LMO3: variants seen among roughly 807,000 people sequenced by gnomAD.
LMO3 encodes the protein LIM domain only protein 3.
In LMO3, 2 loss-of-function variants were observed where a neutral mutation model predicts 15.8. The observed-to-expected ratio is 0.13, with a 90% CI of 0.05 to 0.40. The LOEUF (loss-of-function observed/expected upper bound fraction) is 0.40, where lower values mean the gene tolerates loss of function less well. Among genes scored for constraint, LMO3 ranks in the 10% least tolerant of loss-of-function variants. The pLI is 0.99. For missense variants in LMO3, 86 were observed against 182.2 expected, an observed-to-expected ratio of 0.47 and a Z score of 3.04; for synonymous variants, 62 against 63.8, an observed-to-expected ratio of 0.97 and a Z score of 0.13.
intron 2 of LMO3, among the ~76,000 whole-genome samples, chr12:16,579,498 A>G (rs1943094626): frequency 1.3e-5 from 2 of 152,250 alleles, no homozygotes; most frequent in African/African-American, 2.4e-5. Context: ...ACGCAGATGT[A>G]TAAGTGAATA....
chr12:16,582,769 C>T lies in LMO3; in HGVS notation c.206+17886G>A, dbSNP rs140958931. On this transcript the variant is annotated intron_variant, in intron 2 of 3. Transcript: ENST00000537304. The surrounding 1 kb of genome is among the most constrained non-coding windows in gnomAD (Gnocchi z 4.1). Reference sequence around the variant, plus strand: ...GCCCAGAAAAGAATCAGAACTAGGCCGGGCACGGTGGCCCATGCCTGTAAT... The same window carrying T: ...GCCCAGAAAAGAATCAGAACTAGGCTGGGCACGGTGGCCCATGCCTGTAAT... Among the ~76,000 whole-genome samples, 9 of 152,244 alleles carry T rather than the reference C, an allele frequency of 5.9e-5. No homozygotes were observed. Among genetic ancestry groups the T allele is most frequent in the South Asian group, 2.1e-4 (1 of 4,826 alleles).
At chr12:16,605,411 T>C in intron 1 of LMO3, 3 of 1,174,062 alleles carry the variant, frequency 2.6e-6, no homozygotes, top group African/African-American at 3.2e-5. Context: ...TTCCCTCTTC[T>C]AGCCACTTCT....
At chr12:16,581,701 G>A (rs1351045951) in intron 2 of LMO3, among the ~76,000 whole-genome samples, 2 of 151,794 alleles carry the variant, frequency 1.3e-5, no homozygotes. Context: ...TATCTAGCAG[G>A]GAAGAACAGA....
chr12:16,607,086 A>G (rs1488424125), upstream of LMO3: 1 of 152,306 alleles, frequency 6.6e-6, no homozygotes, highest in East Asian at 1.9e-4. Context: ...TGTGACTTCC[A>G]TTCATGAACT....
In LMO3 at chr12:16,560,930, G is replaced by A; in HGVS notation, c.207-392C>T. 1 of 187,168 alleles carries A rather than the reference G, an allele frequency of 5.3e-6. No homozygotes were observed. The highest frequency in any genetic ancestry group is 8.7e-5 in the South Asian group (1 of 11,444). The allele number at this position is 187,168 out of a possible 1,614,324, so 11.6% of individuals were successfully genotyped here. A position where few individuals can be genotyped will look rare whatever the true frequency, so the allele number is the denominator to read the frequency against. On this transcript the variant is annotated intron_variant, in intron 2 of 3. Coordinates refer to ENST00000537304, the MANE Select transcript of LMO3 (RefSeq NM_018640.5). This position sits in a 1 kb window ranked among gnomAD's most constrained non-coding sequence, Gnocchi z 5.0. ...TTAGTTGGGAAAGGAACCAACTAAT[G>A]AATGATTCACTACTTTTTGACATTT... is the stretch of plus-strand genomic sequence containing the variant.
chr12:16,560,387 T>A lies in LMO3; in HGVS notation c.332+26A>T, dbSNP rs780429015. On this transcript the variant is annotated intron_variant, in intron 3 of 3. Coordinates refer to ENST00000537304, the MANE Select transcript of LMO3 (RefSeq NM_018640.5). The surrounding 1 kb of genome is among the most constrained non-coding windows in gnomAD (Gnocchi z 5.0). ...CAGCACAGAGAGGTTAACCATTTCT[T>A]AGAGACCAAAAAGAGACCTGCTTAC... 3 of 1,606,488 alleles carry A rather than the reference T, an allele frequency of 1.9e-6. No homozygotes were observed. The South Asian group carries it at 3.4e-5, about 18-fold the overall frequency.
intron 2 of LMO3, among the ~76,000 whole-genome samples, chr12:16,581,753 A>G (rs1943165951): frequency 3.9e-5 from 6 of 152,132 alleles, no homozygotes; most frequent in Admixed American, 3.9e-4. Context: ...TCCTTTAAAA[A>G]GATTTCTTCA....
At position 16,550,054 on chromosome 12, in the gene LMO3, T is replaced by C. The variant is rs1478647123; in HGVS notation, c.*1168A>G. The C allele has an allele frequency of 1.3e-5, 2 of 151,976 alleles. No individual in the cohort carries two copies. Among genetic ancestry groups the C allele is most frequent in the East Asian group, 3.9e-4 (2 of 5,190 alleles). The allele number at this position is 151,976 out of a possible 1,614,324, so 9.4% of individuals were successfully genotyped here. A position where few individuals can be genotyped will look rare whatever the true frequency, so the allele number is the denominator to read the frequency against. The stretch of plus-strand genomic sequence containing the variant: ...ATACAGAAAAATATATAATCACTAG[T>C]TCTCAGCATTTTATCAATCCCTTTG... On this transcript the variant is annotated 3_prime_UTR_variant, in exon 4 of 4. Coordinates refer to ENST00000537304, the MANE Select transcript of LMO3 (RefSeq NM_018640.5).
chr12:16,608,241 G>A (rs1944067403), upstream of LMO3: 1 of 152,120 alleles, frequency 6.6e-6, no homozygotes, highest in Non-Finnish European at 1.5e-5. The surrounding 1 kb of genome is among the most constrained non-coding windows in gnomAD (Gnocchi z 4.1). Context: ...GGAGGGAGAA[G>A]TATGTGTGGG....
In LMO3 at chr12:16,593,573, A is replaced by C. The variant is rs1027651513; in HGVS notation, c.206+7082T>G. ...ACTGTTGAGAAGAAAAAGGTTTATCAAGAAGATTTCATAATACAGCACAGA... is the reference window on the plus strand; with the variant it reads ...ACTGTTGAGAAGAAAAAGGTTTATCCAGAAGATTTCATAATACAGCACAGA... On this transcript the variant is annotated intron_variant, in intron 2 of 3. Coordinates refer to ENST00000537304, the MANE Select transcript of LMO3 (RefSeq NM_018640.5). This position sits in a 1 kb window ranked among gnomAD's most constrained non-coding sequence, Gnocchi z 4.2. 2.0e-5 allele frequency among the ~76,000 whole-genome samples: 3 copies of C among 151,972 alleles called. No homozygotes were observed. The highest frequency in any genetic ancestry group is 1.3e-4 in the Admixed American group (2 of 15,236).
chr12:16,566,447 G>A (rs182502550), intron 2 of LMO3, among the ~76,000 whole-genome samples: 13 of 151,914 alleles, frequency 8.6e-5, no homozygotes, highest in Admixed American at 6.6e-5. Context: ...TGTATGAGGC[G>A]ATGGGTATTT....
At chr12:16,605,689 C>G in intron 1 of LMO3, 1 of 1,342,792 alleles carries the variant, frequency 7.4e-7, no homozygotes, top group Non-Finnish European at 1.0e-6. Context: ...CTCTCCCTGC[C>G]CCTCTCTCCC....
At position 16,549,275 on chromosome 12, in the gene LMO3, A is replaced by G. The variant is rs537442077; in HGVS notation, c.*1947T>C. The G allele has an allele frequency of 6.6e-6, 1 of 152,218 alleles. No individual in the cohort carries two copies. Among genetic ancestry groups the G allele is most frequent in the African/African-American group, 2.4e-5 (1 of 41,552 alleles). 9.4% of individuals were successfully genotyped at this position (152,218 alleles called of 1,614,324 possible). On this transcript the variant is annotated 3_prime_UTR_variant, in exon 4 of 4. Transcript: ENST00000537304. ...AGGCTCTAAGGCTAAAATAATAGTT[A>G]TTTTTGTGGGCCCCAAATAGCTACT...
intron 1 of LMO3, among the ~76,000 whole-genome samples, chr12:16,602,900 C>G (rs75907151): frequency 0.16 from 24,986 of 151,656 alleles, 2,297 homozygotes; most frequent in East Asian, 0.29. Context: ...TAAGAGAAGC[C>G]ATTCTAATTA....
In LMO3 at chr12:16,599,243, G is replaced by A. The variant is rs1941344593; in HGVS notation, c.206+1412C>T. On this transcript the variant is annotated intron_variant, in intron 2 of 3. Transcript: ENST00000537304. The surrounding 1 kb of genome is among the most constrained non-coding windows in gnomAD (Gnocchi z 4.1). Reference sequence around the variant, plus strand: ...ATGAGGGAAATCCTGGCTGGAGAGAGTGACTTCTCATTGTTGGCACCTTGC... The same window carrying A: ...ATGAGGGAAATCCTGGCTGGAGAGAATGACTTCTCATTGTTGGCACCTTGC... The A allele has an allele frequency of 6.6e-6, 1 of 152,338 alleles. No homozygotes were observed. Among genetic ancestry groups the A allele is most frequent in the Non-Finnish European group, 1.5e-5 (1 of 68,144 alleles). 9.4% of individuals were successfully genotyped at this position (152,338 alleles called of 1,614,324 possible).
At chr12:16,577,171 A>G (rs1943020036) in intron 2 of LMO3, among the ~76,000 whole-genome samples, 1 of 152,128 alleles carries the variant, frequency 6.6e-6, no homozygotes, top group African/African-American at 2.4e-5. Flanking sequence ...TCATTACCCC[A>G]TTACTCTAAA....
At chr12:16,567,788 C>G (rs187561860) in intron 2 of LMO3, among the ~76,000 whole-genome samples, 86 of 152,108 alleles carry the variant, frequency 5.7e-4, no homozygotes, top group African/African-American at 2.0e-3. Flanking sequence ...AGAATATCAT[C>G]CCTCTCCTAC....
chr12:16,560,306 C>G lies in LMO3; in HGVS notation c.332+107G>C. 1 of 1,259,532 alleles carries G rather than the reference C, an allele frequency of 7.9e-7. No individual in the cohort carries two copies. Among genetic ancestry groups the G allele is most frequent in the Non-Finnish European group, 1.1e-6 (1 of 919,216 alleles). The allele number at this position is 1,259,532 out of a possible 1,614,324, so 78.0% of individuals were successfully genotyped here. ...TTAAAGTTTACAGAACAGAAAAACG[C>G]TGAGATTGATTGCTTTAAATGTATG... is the stretch of plus-strand genomic sequence containing the variant. On this transcript the variant is annotated intron_variant, in intron 3 of 3. Transcript: ENST00000537304. This position sits in a 1 kb window ranked among gnomAD's most constrained non-coding sequence, Gnocchi z 5.0.
chr12:16,571,469 G>GA (rs546905898), intron 2 of LMO3, among the ~76,000 whole-genome samples: 2 of 152,038 alleles, frequency 1.3e-5, no homozygotes, highest in South Asian at 4.1e-4. Flanking sequence ...ACAATCATTT[G>GA]AAAAAATATA....
Sources: allele counts gnomAD v4.1 joint callset (sites outside exome capture counted in the v4.1 genomes callset), GRCh38; gene constraint gnomAD v4.1.1; non-coding constraint Gnocchi (gnomAD v3.1); transcripts MANE v1.5; gene names NCBI Gene and HGNC (gene_info 2026-07-23, HGNC 2026-07-21).